CACNG2: variants seen among roughly 807,000 people sequenced by gnomAD.
The protein encoded by CACNG2 is voltage-dependent calcium channel gamma-2 subunit.
Under a neutral mutation model 25.9 loss-of-function variants are expected in CACNG2, and 3 were observed. That is an observed-to-expected ratio of 0.12 (90% CI 0.05 to 0.30). CACNG2 has a LOEUF of 0.30. Among genes scored for constraint, CACNG2 ranks in the 10% least tolerant of loss-of-function variants. The pLI is 1.00. For missense variants in CACNG2, 341 were observed against 432.5 expected (o/e 0.79, Z 1.88); for synonymous variants, 167 against 173.3 (o/e 0.96, Z 0.29).
At chr22:36,631,541 A>C (rs1286949450) in intron 1 of CACNG2, among the ~76,000 whole-genome samples, 1 of 152,158 alleles carries the variant, frequency 6.6e-6, no homozygotes, top group Non-Finnish European at 1.5e-5. Flanking sequence ...ACTTGGGCCA[A>C]AGAGACAGGA....
At chr22:36,672,324 T>G (rs983725441) in intron 1 of CACNG2, among the ~76,000 whole-genome samples, 1 of 152,096 alleles carries the variant, frequency 6.6e-6, no homozygotes, top group African/African-American at 2.4e-5. Context: ...ACCTGGCTAA[T>G]TTTTAAAAAT....
chr22:36,684,469 G>T (rs4821517), intron 1 of CACNG2, among the ~76,000 whole-genome samples: 111,983 of 151,578 alleles, frequency 0.74, 41,433 homozygotes, highest in Admixed American at 0.81. Context: ...TCAAAAAAAT[G>T]AGCCGGTGTG....
At chr22:36,605,163 C>T (rs1935812233) in intron 1 of CACNG2, among the ~76,000 whole-genome samples, 1 of 152,174 alleles carries the variant, frequency 6.6e-6, no homozygotes, top group Non-Finnish European at 1.5e-5. Flanking sequence ...CAACCTCTGT[C>T]TCCTGGGTTC....
intron 1 of CACNG2, among the ~76,000 whole-genome samples, chr22:36,675,969 T>C (rs1937013892): frequency 6.6e-6 from 1 of 152,180 alleles, no homozygotes; most frequent in African/African-American, 2.4e-5. Context: ...GAGGTTAGCA[T>C]GGCTGCCATC....
At chr22:36,664,000 C>A (rs947378076) in intron 1 of CACNG2, among the ~76,000 whole-genome samples, 1 of 152,146 alleles carries the variant, frequency 6.6e-6, no homozygotes, top group Non-Finnish European at 1.5e-5. Flanking sequence ...ATAATGAGCA[C>A]CTTTGTTTTT....
chr22:36,579,640 T>C (rs934736334), intron 2 of CACNG2, among the ~76,000 whole-genome samples: 1 of 152,058 alleles, frequency 6.6e-6, no homozygotes, highest in Non-Finnish European at 1.5e-5. Flanking sequence ...GGTGGTCTCA[T>C]CTCAGAGGAA....
At chr22:36,658,047 G>T (rs908800227) in intron 1 of CACNG2, among the ~76,000 whole-genome samples, 4 of 152,110 alleles carry the variant, frequency 2.6e-5, no homozygotes, top group Non-Finnish European at 4.4e-5. Flanking sequence ...TTCCTCTAAG[G>T]TTGTCATAAT....
intron 1 of CACNG2, among the ~76,000 whole-genome samples, chr22:36,591,839 T>C (rs901128785): frequency 6.6e-6 from 1 of 151,594 alleles, no homozygotes; most frequent in Non-Finnish European, 1.5e-5. Flanking sequence ...GGTGCAGTGC[T>C]GGGGATGGGC....
At chr22:36,660,302 C>CG (rs763978572) in intron 1 of CACNG2, among the ~76,000 whole-genome samples, 118 of 152,306 alleles carry the variant, frequency 7.7e-4, no homozygotes, top group Non-Finnish European at 1.3e-3. Flanking sequence ...CTACCCTTGC[C>CG]GGGGGGCAGT....
chr22:36,663,751 C>T (rs182099011), intron 1 of CACNG2, among the ~76,000 whole-genome samples: 2 of 152,280 alleles, frequency 1.3e-5, no homozygotes, highest in Admixed American at 6.5e-5. Flanking sequence ...AGCAGGACCG[C>T]GTCATGGGGA....
intron 1 of CACNG2, among the ~76,000 whole-genome samples, chr22:36,601,511 T>G (rs1052578515): frequency 8.6e-5 from 13 of 152,000 alleles, no homozygotes; most frequent in South Asian, 2.1e-4. Context: ...TATTTTTTTT[T>G]GGGACAGGGT....
chr22:36,608,217 C>A (rs1016291832), intron 1 of CACNG2, among the ~76,000 whole-genome samples: 1 of 152,128 alleles, frequency 6.6e-6, no homozygotes, highest in African/African-American at 2.4e-5. Context: ...TCTGAGGTTC[C>A]TTCTATCCCT....
intron 1 of CACNG2, among the ~76,000 whole-genome samples, chr22:36,596,948 C>T (rs1351948330): frequency 1.3e-5 from 2 of 151,826 alleles, no homozygotes; most frequent in African/African-American, 2.4e-5. Flanking sequence ...GATGGGGTCT[C>T]GCCATGTTGC....
intron 1 of CACNG2, among the ~76,000 whole-genome samples, chr22:36,600,980 A>G (rs1935746767): frequency 6.6e-6 from 1 of 152,228 alleles, no homozygotes; most frequent in Non-Finnish European, 1.5e-5. Context: ...CATAGTACCC[A>G]GTTTTTCCCT....
At chr22:36,573,208 T>C (rs991572871) in intron 2 of CACNG2, among the ~76,000 whole-genome samples, 1 of 152,252 alleles carries the variant, frequency 6.6e-6, no homozygotes, top group African/African-American at 2.4e-5. Context: ...CATATTATTT[T>C]TATTTTTTAA....
chr22:36,568,593 C>T (rs1479600561), intron 2 of CACNG2, among the ~76,000 whole-genome samples: 4 of 151,112 alleles, frequency 2.6e-5, no homozygotes, highest in East Asian at 3.9e-4. Flanking sequence ...TTAGTAGAGA[C>T]GGGGTTTCGC....
chr22:36,649,924 C>A (rs1218411211), intron 1 of CACNG2, among the ~76,000 whole-genome samples: 1 of 152,220 alleles, frequency 6.6e-6, no homozygotes, highest in African/African-American at 2.4e-5. Context: ...ATAAATTACT[C>A]AGTCTTGGCT....
At chr22:36,575,071 AT>A (rs1384441494) in intron 2 of CACNG2, among the ~76,000 whole-genome samples, 1 of 152,224 alleles carries the variant, frequency 6.6e-6, no homozygotes, top group African/African-American at 2.4e-5. Flanking sequence ...CCTTGGGCAA[AT>A]AATAGTGTTC....
At chr22:36,615,598 C>A (rs1231868342) in intron 1 of CACNG2, among the ~76,000 whole-genome samples, 2 of 152,228 alleles carry the variant, frequency 1.3e-5, no homozygotes, top group Non-Finnish European at 2.9e-5. Context: ...TTCTTCTTAT[C>A]ACGTACCCTG....
Sources: gnomAD v4.1 joint callset for allele counts (sites outside exome capture counted in the v4.1 genomes callset) on GRCh38, gnomAD v4.1.1 for gene constraint, MANE v1.5 for transcripts, NCBI Gene and HGNC (gene_info 2026-07-23, HGNC 2026-07-21) for gene names.